HDAC9: variants seen among roughly 807,000 people sequenced by gnomAD.
HDAC9 encodes the protein MEF-2 interacting transcription repressor (MITR) protein.
Under a neutral mutation model 139.4 loss-of-function variants are expected in HDAC9, and 41 were observed. The ratio of observed to expected loss-of-function variants is 0.29; its 90% CI spans 0.23 to 0.38. The LOEUF is 0.38. Among genes scored for constraint, HDAC9 ranks in the 10% least tolerant of loss-of-function variants. HDAC9 has a pLI of 1.00. For synonymous variants in HDAC9, 517 were observed against 476.2 expected, an observed-to-expected ratio of 1.09 and a Z score of -1.12; for missense variants, 1,147 against 1,297.0, an observed-to-expected ratio of 0.88 and a Z score of 1.78.
intron 2 of HDAC9, among the ~76,000 whole-genome samples, chr7:18,282,047 G>A (rs1797140515): frequency 6.6e-6 from 1 of 152,106 alleles, no homozygotes; most frequent in African/African-American, 2.4e-5. Flanking sequence ...AAAGCGTTTA[G>A]AAAAAGGGCC....
chr7:18,922,554 C>G lies in HDAC9; in HGVS notation c.2804-13255C>G, dbSNP rs143560802. Among the ~76,000 whole-genome samples the G allele has an allele frequency of 2.5e-4, 38 of 152,138 alleles. 1 individual carries two copies. The highest frequency in any genetic ancestry group is 8.4e-4 in the African/African-American group (35 of 41,536). On this transcript the variant is annotated intron_variant, in intron 22 of 25. Coordinates refer to ENST00000686413, the MANE Select transcript of HDAC9 (RefSeq NM_178425.4). ...GCAGAGATTTGGATTCAAACTTGGTCTGGGATGAGGCTCACAAATCTGCAT... is the reference window on the plus strand; with the variant it reads ...GCAGAGATTTGGATTCAAACTTGGTGTGGGATGAGGCTCACAAATCTGCAT...
intron 2 of HDAC9, among the ~76,000 whole-genome samples, chr7:18,265,348 A>G (rs186206553): frequency 4.5e-4 from 68 of 152,306 alleles, no homozygotes; most frequent in East Asian, 2.3e-3. Flanking sequence ...GCTATTAGCT[A>G]TCTGCTCATG....
At chr7:18,429,519 A>G (rs1451115915) in intron 1 of HDAC9, among the ~76,000 whole-genome samples, 2 of 151,804 alleles carry the variant, frequency 1.3e-5, no homozygotes, top group Non-Finnish European at 2.9e-5. Context: ...GCAGATGGCT[A>G]TCCATAAGTT....
At chr7:18,171,977 T>C (rs1788486098) in intron 2 of HDAC9, among the ~76,000 whole-genome samples, 1 of 152,132 alleles carries the variant, frequency 6.6e-6, no homozygotes, top group African/African-American at 2.4e-5. Flanking sequence ...TTAGGGAGGA[T>C]TCCTTGTTTT....
At chr7:18,314,016 C>T (rs369046239) in intron 1 of HDAC9, among the ~76,000 whole-genome samples, 2 of 152,106 alleles carry the variant, frequency 1.3e-5, no homozygotes, top group South Asian at 2.1e-4. Context: ...AATCAATACT[C>T]TTGTGAGTTT....
rs549253143 is a variant in HDAC9 at position 18,801,805 on chromosome 7, G to T, written c.2322+8353G>T. 7.2e-5 allele frequency among the ~76,000 whole-genome samples: 11 copies of T among 152,010 alleles called. No homozygotes were observed. The South Asian group carries it at 8.3e-4, about 11-fold the overall frequency. Reference sequence around the variant, plus strand: ...CTTTTTGAGTCAATTTAGGAGTGTTGTATTTTTTCTTGACATTTACATATT... The same window carrying T: ...CTTTTTGAGTCAATTTAGGAGTGTTTTATTTTTTCTTGACATTTACATATT... On this transcript the variant is annotated intron_variant, in intron 17 of 25. Transcript: ENST00000686413.
At chr7:18,552,168 A>AT (rs1471314386) in intron 2 of HDAC9, among the ~76,000 whole-genome samples, 2 of 152,188 alleles carry the variant, frequency 1.3e-5, no homozygotes, top group Non-Finnish European at 1.5e-5. Flanking sequence ...TTGTTCATAT[A>AT]TTTTATCAAG....
chr7:18,278,772 G>C (rs931608489), intron 2 of HDAC9, among the ~76,000 whole-genome samples: 1 of 152,100 alleles, frequency 6.6e-6, no homozygotes, highest in Admixed American at 6.5e-5. Flanking sequence ...TATGAAGGGA[G>C]ACATAATCTC....
chr7:18,215,086 A>G (rs1792205540), intron 2 of HDAC9, among the ~76,000 whole-genome samples: 1 of 152,148 alleles, frequency 6.6e-6, no homozygotes, highest in Non-Finnish European at 1.5e-5. Context: ...AATGAAAGGG[A>G]GAAACAGATA....
At chr7:18,127,219 A>T (rs1339143317) in intron 1 of HDAC9, 1 of 169,060 alleles carries the variant, frequency 5.9e-6, no homozygotes, top group East Asian at 1.9e-4. Flanking sequence ...ATTTTATATT[A>T]TCAACAAATA....
At chr7:18,739,712 A>G (rs937402114) in intron 13 of HDAC9, among the ~76,000 whole-genome samples, 1 of 152,206 alleles carries the variant, frequency 6.6e-6, no homozygotes, top group Non-Finnish European at 1.5e-5. Context: ...CAGTTTGGCT[A>G]CATGGGTGTC....
chr7:18,210,078 A>G (rs751945436), intron 2 of HDAC9, among the ~76,000 whole-genome samples: 11 of 151,894 alleles, frequency 7.2e-5, no homozygotes, highest in Non-Finnish European at 1.3e-4. Flanking sequence ...CAAATGATAC[A>G]TTCTGTAAAC....
upstream of HDAC9, among the ~76,000 whole-genome samples, chr7:18,289,272 A>G (rs1193470063): frequency 6.6e-6 from 1 of 152,118 alleles, no homozygotes; most frequent in Non-Finnish European, 1.5e-5. Context: ...TTAGATTTTC[A>G]TTTTCTTAGA....
intron 1 of HDAC9, among the ~76,000 whole-genome samples, chr7:18,091,434 A>G (rs780946978): frequency 2.6e-5 from 4 of 152,224 alleles, no homozygotes; most frequent in Admixed American, 6.5e-5. Context: ...GTTCTAGTAC[A>G]GTAGTGATGA....
chr7:18,967,232 A>T (rs148954515), intron 24 of HDAC9, among the ~76,000 whole-genome samples: 5 of 152,348 alleles, frequency 3.3e-5, no homozygotes, highest in Non-Finnish European at 7.3e-5. Context: ...GCATTTATGT[A>T]ACACTCCATG....
At chr7:18,642,213 G>A (rs1785860458) in intron 8 of HDAC9, among the ~76,000 whole-genome samples, 1 of 152,030 alleles carries the variant, frequency 6.6e-6, no homozygotes, top group Non-Finnish European at 1.5e-5. Flanking sequence ...TTGTCTCCAT[G>A]ACTTGAAGAT....
chr7:18,604,417 T>C (rs1445629236), intron 6 of HDAC9, among the ~76,000 whole-genome samples: 1 of 152,056 alleles, frequency 6.6e-6, no homozygotes, highest in East Asian at 1.9e-4. Flanking sequence ...ACCTTTTTTT[T>C]TTTTCTTGAG....
At chr7:18,385,092 G>A (rs1785795244) in intron 1 of HDAC9, among the ~76,000 whole-genome samples, 1 of 152,152 alleles carries the variant, frequency 6.6e-6, no homozygotes, top group African/African-American at 2.4e-5. Flanking sequence ...TGGTGTGGAT[G>A]CCAAAAGTGT....
intron 12 of HDAC9, among the ~76,000 whole-genome samples, chr7:18,695,672 G>A (rs139582131): frequency 2.2e-4 from 34 of 152,280 alleles, no homozygotes; most frequent in Middle Eastern, 3.4e-3. Flanking sequence ...TCTAAATTGA[G>A]AATGAACGGG....
Sources: allele counts gnomAD v4.1 joint callset (sites outside exome capture counted in the v4.1 genomes callset), GRCh38; gene constraint gnomAD v4.1.1; transcripts MANE v1.5; gene names NCBI Gene and HGNC (gene_info 2026-07-23, HGNC 2026-07-21).